SH3BP5: variants seen among roughly 807,000 people sequenced by gnomAD.
SH3BP5 encodes the protein SH3 domain binding protein 5.
A neutral mutation model predicts 43.3 loss-of-function variants in SH3BP5; 22 were observed. That is an observed-to-expected ratio of 0.51 (90% CI 0.36 to 0.73). The LOEUF (loss-of-function observed/expected upper bound fraction) is 0.73. Among genes scored for constraint, SH3BP5 ranks in the 30% least tolerant of loss-of-function variants. The pLI, the probability that SH3BP5 is intolerant of heterozygous loss-of-function variation, is 0.00. For missense variants in SH3BP5, 529 were observed against 586.9 expected (o/e 0.90, Z 1.02); for synonymous variants, 255 against 225.8 (o/e 1.13, Z -1.16).
intron 3 of SH3BP5, among the ~76,000 whole-genome samples, chr3:15,292,779 C>T (rs929683652): frequency 2.0e-5 from 3 of 150,882 alleles, no homozygotes; most frequent in Admixed American, 6.6e-5. Flanking sequence ...ATCCGGGAGG[C>T]GGAGGTTGTG....
intron 2 of SH3BP5, among the ~76,000 whole-genome samples, chr3:15,320,641 C>CACACACACACACACACACACACACACA (rs56319701): frequency 7.8e-6 from 1 of 128,654 alleles, no homozygotes; most frequent in Non-Finnish European, 1.6e-5. Context: ...CACACACACA[C>CACACACACACACACACACACACACACA]CCCACTACGT....
upstream of SH3BP5, among the ~76,000 whole-genome samples, chr3:15,336,106 C>T (rs1698697741): frequency 6.6e-6 from 1 of 151,906 alleles, no homozygotes; most frequent in South Asian, 2.1e-4. Flanking sequence ...TGCACTCCAG[C>T]GTGGGCGATA....
At chr3:15,265,627 A>T (rs1374783462) in intron 4 of SH3BP5, among the ~76,000 whole-genome samples, 2 of 151,612 alleles carry the variant, frequency 1.3e-5, no homozygotes, top group Non-Finnish European at 2.9e-5. Flanking sequence ...AAGGTCACTA[A>T]GCATGTCGCC....
At chr3:15,309,569 T>C (rs1022337624) in intron 2 of SH3BP5, among the ~76,000 whole-genome samples, 2 of 152,140 alleles carry the variant, frequency 1.3e-5, no homozygotes, top group African/African-American at 4.8e-5. Context: ...TAAAATATCA[T>C]AGATTTTTCT....
In SH3BP5 at chr3:15,254,492, T is replaced by C. The variant is rs780870073; in HGVS notation, c.*1594A>G. The C allele has an allele frequency of 5.3e-5, 8 of 150,036 alleles. No homozygotes were observed. The highest frequency in any genetic ancestry group is 1.2e-4 in the Non-Finnish European group (8 of 68,032). 9.3% of individuals were successfully genotyped at this position (150,036 alleles called of 1,614,324 possible). A position where few individuals can be genotyped will look rare whatever the true frequency, so the allele number is the denominator to read the frequency against. On this transcript the variant is annotated 3_prime_UTR_variant, in exon 9 of 9. Coordinates refer to ENST00000383791, the MANE Select transcript of SH3BP5 (RefSeq NM_004844.5). ...TTCCCTCGGGGAGCTTTTAAAAGTCTAATGCCCCAGTGTACCCCCCCCAGT... is the reference window on the plus strand; with the variant it reads ...TTCCCTCGGGGAGCTTTTAAAAGTCCAATGCCCCAGTGTACCCCCCCCAGT...
At chr3:15,324,188 C>A (rs1291608253) in intron 2 of SH3BP5, among the ~76,000 whole-genome samples, 4 of 152,250 alleles carry the variant, frequency 2.6e-5, no homozygotes, top group Non-Finnish European at 5.9e-5. Context: ...CGTCAGCTCT[C>A]TTCCTCCTCC....
rs1401707636 is a variant in SH3BP5, at chr3:15,259,432, T to A, written c.669+329A>T. Reference sequence around the variant, plus strand: ...GGTGTTAAGACTCAGCTCACTAGACTCCAACCTCAGAGTTTCTAATTCAGT... The same window carrying A: ...GGTGTTAAGACTCAGCTCACTAGACACCAACCTCAGAGTTTCTAATTCAGT... On this transcript the variant is annotated intron_variant, in intron 6 of 8. Transcript: ENST00000383791. 3 of 524,580 alleles carry A rather than the reference T, an allele frequency of 5.7e-6. No homozygotes were observed. In the East Asian group the frequency reaches 1.1e-4, roughly 18 times the overall value. The allele number at this position is 524,580 out of a possible 1,614,324, so 32.5% of individuals were successfully genotyped here. A position where few individuals can be genotyped will look rare whatever the true frequency, so the allele number is the denominator to read the frequency against.
At chr3:15,258,230 T>TCC (rs1696295073) in intron 7 of SH3BP5, 1 of 152,252 alleles carries the variant, frequency 6.6e-6, no homozygotes, top group South Asian at 2.1e-4. Flanking sequence ...GGGTGGGTTT[T>TCC]CTTGATGAGC....
At chr3:15,279,384 G>C (rs939988851) in intron 3 of SH3BP5, among the ~76,000 whole-genome samples, 5 of 152,138 alleles carry the variant, frequency 3.3e-5, no homozygotes, top group Admixed American at 2.6e-4. Context: ...AGTCTTAAGA[G>C]AGACAGCACC....
chr3:15,309,463 G>A (rs1697995049), intron 2 of SH3BP5, among the ~76,000 whole-genome samples: 1 of 152,182 alleles, frequency 6.6e-6, no homozygotes, highest in South Asian at 2.1e-4. Context: ...TCACACTGTG[G>A]CCTCAAACTC....
chr3:15,328,821 G>A (rs995041155), intron 2 of SH3BP5, among the ~76,000 whole-genome samples: 3 of 152,136 alleles, frequency 2.0e-5, no homozygotes, highest in African/African-American at 7.2e-5. Flanking sequence ...TCTGAGTCCT[G>A]ATCTGGAAAG....
chr3:15,300,342 T>A (rs1697701728), intron 3 of SH3BP5, among the ~76,000 whole-genome samples: 1 of 152,184 alleles, frequency 6.6e-6, no homozygotes, highest in South Asian at 2.1e-4. Flanking sequence ...GCCAGGGCTG[T>A]TCCCTTGACT....
chr3:15,266,437 T>C (rs1190506620), intron 4 of SH3BP5, among the ~76,000 whole-genome samples: 2 of 152,200 alleles, frequency 1.3e-5, no homozygotes, highest in African/African-American at 4.8e-5. Context: ...CAAGTCACAT[T>C]TCCCTCTTCC....
intron 4 of SH3BP5, chr3:15,264,551 G>T (rs1038104130): frequency 5.3e-5 from 8 of 152,156 alleles, no homozygotes; most frequent in African/African-American, 1.9e-4. Context: ...TTTAACAAAG[G>T]CTTCAGTGCT....
intron 3 of SH3BP5, among the ~76,000 whole-genome samples, chr3:15,288,124 A>C (rs1195220503): frequency 6.6e-6 from 1 of 152,238 alleles, no homozygotes; most frequent in Non-Finnish European, 1.5e-5. Flanking sequence ...CGTCTGCTGC[A>C]GAATTCCCTC....
At chr3:15,275,360 A>T (rs1331193007) in intron 3 of SH3BP5, among the ~76,000 whole-genome samples, 2 of 152,256 alleles carry the variant, frequency 1.3e-5, no homozygotes, top group East Asian at 3.8e-4. Context: ...TCCCGGAGAG[A>T]GCTGGCTATC....
At chr3:15,334,115 C>T (rs1698672139), upstream of SH3BP5, among the ~76,000 whole-genome samples, 2 of 152,214 alleles carry the variant, frequency 1.3e-5, no homozygotes, top group Non-Finnish European at 2.9e-5. Flanking sequence ...CCTATCCTCT[C>T]CATTCTAAAT....
intron 2 of SH3BP5, among the ~76,000 whole-genome samples, chr3:15,308,313 T>A (rs1008034957): frequency 6.6e-6 from 1 of 152,190 alleles, no homozygotes; most frequent in African/African-American, 2.4e-5. Context: ...ATTTGTGCAA[T>A]CGCTAACAAT....
chr3:15,260,047 A>C (rs1575277319), intron 5 of SH3BP5: 1 of 554,954 alleles, frequency 1.8e-6, no homozygotes, highest in Middle Eastern at 3.6e-4. Flanking sequence ...AGACACGGGG[A>C]ACCCACACAC....
Sources: allele counts gnomAD v4.1 joint callset (sites outside exome capture counted in the v4.1 genomes callset), GRCh38; gene constraint gnomAD v4.1.1; transcripts MANE v1.5; gene names NCBI Gene and HGNC (gene_info 2026-07-23, HGNC 2026-07-21).